Variants in RPH3A observed in about 807,000 individuals in gnomAD.
The protein encoded by RPH3A is rabphilin 3A.
Under a neutral mutation model 102.2 loss-of-function variants are expected in RPH3A, and 48 were observed. The ratio of observed to expected loss-of-function variants is 0.47; its 90% CI spans 0.37 to 0.60. The LOEUF (loss-of-function observed/expected upper bound fraction) is 0.60. Ranked by LOEUF, RPH3A falls within the 20% of genes least tolerant of loss-of-function variation. RPH3A has a pLI of 0.00. For synonymous variants in RPH3A, 310 were observed against 324.3 expected (o/e 0.96, Z 0.47); for missense variants, 781 against 910.1 (o/e 0.86, Z 1.83).
At chr12:112,813,014 A>G (rs1418954133) in intron 2 of RPH3A, among the ~76,000 whole-genome samples, 1 of 152,250 alleles carries the variant, frequency 6.6e-6, no homozygotes, top group African/African-American at 2.4e-5. Context: ...TAAGCACTTT[A>G]CAAGTACTAA....
intron 5 of RPH3A, among the ~76,000 whole-genome samples, chr12:112,859,447 T>C (rs2042470922): frequency 6.6e-6 from 1 of 152,194 alleles, no homozygotes; most frequent in Non-Finnish European, 1.5e-5. Context: ...GCTAGTTGGG[T>C]GCATTAAAGA....
chr12:112,681,856 T>C (rs1488923587), intron 1 of RPH3A, among the ~76,000 whole-genome samples: 1 of 152,220 alleles, frequency 6.6e-6, no homozygotes, highest in Non-Finnish European at 1.5e-5. Flanking sequence ...TTAGAACTTT[T>C]AAAGAACAGC....
intron 1 of RPH3A, among the ~76,000 whole-genome samples, chr12:112,626,662 G>A (rs1031840031): frequency 7.2e-6 from 1 of 138,434 alleles, no homozygotes; most frequent in Non-Finnish European, 1.6e-5. Context: ...GATTCCTCAG[G>A]GATCTAGAAC....
chr12:112,793,947 T>C (rs979684283), intron 2 of RPH3A, among the ~76,000 whole-genome samples: 15 of 152,300 alleles, frequency 9.8e-5, no homozygotes, highest in Non-Finnish European at 1.6e-4. Flanking sequence ...TATTTTATTT[T>C]AATATTTTTA....
intron 5 of RPH3A, among the ~76,000 whole-genome samples, chr12:112,860,029 C>G (rs1040516595): frequency 6.6e-6 from 1 of 152,238 alleles, no homozygotes; most frequent in African/African-American, 2.4e-5. Context: ...CCATACACAT[C>G]TAGGGCTTCC....
At chr12:112,655,563 C>CTTTTTTTTTTTTTTTTTT (rs71086113) in intron 1 of RPH3A, among the ~76,000 whole-genome samples, 1 of 55,570 alleles carries the variant, frequency 1.8e-5, no homozygotes, top group Non-Finnish European at 3.3e-5. Flanking sequence ...TTTTGTTGGT[C>CTTTTTTTTTTTTTTTTTT]TTTTTTTTTT....
chr12:112,733,212 T>C (rs1411345265), intron 1 of RPH3A, among the ~76,000 whole-genome samples: 1 of 152,060 alleles, frequency 6.6e-6, no homozygotes. Context: ...CACACACACC[T>C]GCACACATAC....
At chr12:112,799,877 T>A (rs113538199) in intron 2 of RPH3A, among the ~76,000 whole-genome samples, 1 of 152,110 alleles carries the variant, frequency 6.6e-6, no homozygotes, top group Non-Finnish European at 1.5e-5. Flanking sequence ...GGATGGAGCC[T>A]AAGAATTTGC....
intron 2 of RPH3A, among the ~76,000 whole-genome samples, chr12:112,808,828 C>T (rs961258180): frequency 6.6e-6 from 1 of 152,134 alleles, no homozygotes. Flanking sequence ...TTAAGTATCC[C>T]TCCAGGTGAT....
chr12:112,755,298 TACACACACACACACACAC>T (rs58229294), intron 1 of RPH3A, among the ~76,000 whole-genome samples: 8 of 145,886 alleles, frequency 5.5e-5, no homozygotes, highest in South Asian at 2.2e-4. Flanking sequence ...TATATGTATA[TACACACACACACACACAC>T]ACACACACAC....
chr12:112,890,755 G>T (rs187858388), intron 18 of RPH3A, 94 bp from the exon 19 acceptor site: 6 of 1,406,718 alleles, frequency 4.3e-6, no homozygotes, highest in Non-Finnish European at 4.8e-6. Flanking sequence ...GCCAAGCTTC[G>T]CCTGCCCTTC....
intron 1 of RPH3A, among the ~76,000 whole-genome samples, chr12:112,647,435 G>A (rs1037060650): frequency 2.0e-5 from 3 of 152,138 alleles, no homozygotes; most frequent in East Asian, 1.9e-4. Context: ...TATCTACTGC[G>A]TGATAGGTGT....
chr12:112,664,940 A>G (rs2040074340), intron 1 of RPH3A, among the ~76,000 whole-genome samples: 1 of 145,834 alleles, frequency 6.9e-6, no homozygotes, highest in South Asian at 2.2e-4. Flanking sequence ...CTCTCGTTCC[A>G]TGGCGGGGGT....
intron 1 of RPH3A, chr12:112,651,662 T>C (rs2039975928): frequency 6.6e-6 from 1 of 152,200 alleles, no homozygotes; most frequent in South Asian, 2.1e-4. Flanking sequence ...TTCACAACAT[T>C]GTTCAACCAT....
intron 1 of RPH3A, among the ~76,000 whole-genome samples, chr12:112,633,980 A>C (rs932718283): frequency 4.6e-5 from 7 of 152,192 alleles, no homozygotes; most frequent in African/African-American, 1.4e-4. Context: ...CAAGATGGGA[A>C]GCAAACACTA....
chr12:112,681,532 A>C lies in RPH3A; in HGVS notation c.-140+106213A>C, dbSNP rs527652491. Among the ~76,000 whole-genome samples the C allele has an allele frequency of 4.2e-3, 647 of 152,316 alleles. 3 individuals are homozygous for C. The highest frequency in any genetic ancestry group is 0.014 in the African/African-American group (587 of 41,578). ...GGCTGTGTTTCTACTGTAAGCCACC[A>C]CCATCTCTTCCCGAATGCTTCAATA... is the stretch of plus-strand genomic sequence containing the variant. On this transcript the variant is annotated intron_variant, in intron 1 of 21. Coordinates refer to the RPH3A transcript ENST00000543106.
chr12:112,667,897 G>T (rs185130767), intron 1 of RPH3A, among the ~76,000 whole-genome samples: 1 of 152,246 alleles, frequency 6.6e-6, no homozygotes, highest in East Asian at 1.9e-4. Flanking sequence ...AACAGTGGAT[G>T]GCCTGAGAAG....
intron 1 of RPH3A, among the ~76,000 whole-genome samples, chr12:112,615,633 C>T (rs920680875): frequency 2.0e-5 from 3 of 152,186 alleles, no homozygotes; most frequent in South Asian, 4.2e-4. Flanking sequence ...TGTCTTTTGG[C>T]GACTTCTTTT....
intron 1 of RPH3A, among the ~76,000 whole-genome samples, chr12:112,689,147 T>C (rs561657600): frequency 1.3e-5 from 2 of 152,356 alleles, no homozygotes; most frequent in East Asian, 1.9e-4. Context: ...ATGTCTATAG[T>C]GGCCTGACAG....
Sources: gnomAD v4.1 joint callset for allele counts (sites outside exome capture counted in the v4.1 genomes callset) on GRCh38, gnomAD v4.1.1 for gene constraint, MANE v1.5 for transcripts, NCBI Gene and HGNC (gene_info 2026-07-23, HGNC 2026-07-21) for gene names.